HABP4: variants seen among roughly 807,000 people sequenced by gnomAD.
HABP4 encodes the protein intracellular hyaluronan-binding protein 4.
HABP4 carries 32 observed loss-of-function variants against 44.1 expected under a neutral mutation model. The ratio of observed to expected loss-of-function variants is 0.73; its 90% CI spans 0.55 to 0.97. The LOEUF is 0.97. Among genes scored for constraint, HABP4 ranks in the 50% least tolerant of loss-of-function variants. The pLI is 0.00. For synonymous variants in HABP4, 216 were observed against 218.0 expected, an observed-to-expected ratio of 0.99 and a Z score of 0.08; for missense variants, 503 against 561.9, an observed-to-expected ratio of 0.90 and a Z score of 1.06.
Position 96,471,054 on chromosome 9 carries a change from G to T in HABP4, c.787G>T (p.Glu263Ter). The change falls in exon 5 of 8, where the codon GAG (glutamate) becomes TAG (stop). Residue 263 changes from glutamate (E) to a stop codon, truncating the protein, a stop_gained. Coordinates refer to ENST00000375249, the MANE Select transcript of HABP4 (RefSeq NM_014282.4). LOFTEE classifies it high-confidence loss of function. ...TAPMEEPTVVEESQGTPEEES... is the reference protein window; with the variant it reads ...TAPMEEPTVV ...ACCGATGGAGGAACCCACAGTGGTG[G>T]AGGAGTCCCAGGGCACCCCGGAAGA... 1 of 1,608,372 alleles carries T rather than the reference G, an allele frequency of 6.2e-7. No homozygotes were observed. Among genetic ancestry groups the T allele is most frequent in the East Asian group, 2.2e-5 (1 of 44,858 alleles).
At position 96,490,672 on chromosome 9, in the gene HABP4, CTGTG is replaced by C. The variant is rs1020133248; in HGVS notation, c.*641_*644del. ...GGTGATTTAAACTACCTCGTGGTTT[CTGTG>C]TGTGTGCACACACACATCTAGTGTT... On this transcript the variant is annotated 3_prime_UTR_variant, in exon 8 of 8. Transcript: ENST00000375249. 6.6e-6 allele frequency: 1 copy of C among 152,194 alleles called. No homozygotes were observed. The highest frequency in any genetic ancestry group is 2.4e-5 in the African/African-American group (1 of 41,452). The allele number at this position is 152,194 out of a possible 1,614,324, so 9.4% of individuals were successfully genotyped here. A position where few individuals can be genotyped will look rare whatever the true frequency, so the allele number is the denominator to read the frequency against.
Position 96,450,294 on chromosome 9 carries a change from G to C in HABP4, c.15G>C (p.Leu5=), listed in dbSNP as rs1832243076. ...GTCGCGGCGGCATGAAGGGCGCTCTGGGGAGTCCCGTGGCTGCCGCTGGCG... is the reference window on the plus strand; with the variant it reads ...GTCGCGGCGGCATGAAGGGCGCTCTCGGGAGTCCCGTGGCTGCCGCTGGCG... MKGA[L]GSPVAAAGAA... is the part of the protein sequence containing the mutation. Residue 5 remains leucine, a synonymous_variant, in exon 1 of 8, where the codon CTG becomes CTC. Coordinates refer to ENST00000375249, the MANE Select transcript of HABP4 (RefSeq NM_014282.4). The surrounding 1 kb of genome is among the most constrained non-coding windows in gnomAD (Gnocchi z 4.8). The C allele has an allele frequency of 6.8e-7, 1 of 1,464,414 alleles. No individual in the cohort carries two copies. Among genetic ancestry groups the C allele is most frequent in the South Asian group, 1.3e-5 (1 of 78,228 alleles). 90.7% of individuals were successfully genotyped at this position (1,464,414 alleles called of 1,614,324 possible). A position where few individuals can be genotyped will look rare whatever the true frequency, so the allele number is the denominator to read the frequency against.
chr9:96,460,291 A>G (rs1832478443), intron 2 of HABP4, among the ~76,000 whole-genome samples: 1 of 152,200 alleles, frequency 6.6e-6, no homozygotes, highest in African/African-American at 2.4e-5. Flanking sequence ...AAGAATTTCC[A>G]TCTGCCCTTC....
chr9:96,456,615 C>T (rs1832380333), intron 1 of HABP4, among the ~76,000 whole-genome samples: 1 of 151,180 alleles, frequency 6.6e-6, no homozygotes, highest in African/African-American at 2.4e-5. Flanking sequence ...AAAAAATTAG[C>T]TGGGCGTGGT....
At chr9:96,468,945 G>A (rs1360925281) in intron 4 of HABP4, among the ~76,000 whole-genome samples, 4 of 152,204 alleles carry the variant, frequency 2.6e-5, no homozygotes, top group Non-Finnish European at 5.9e-5. Flanking sequence ...AGTAAGTAAT[G>A]TGTTTGTGGC....
chr9:96,488,262 A>G lies in HABP4; in HGVS notation c.1173A>G (p.Arg391=). The G allele has an allele frequency of 6.2e-7, 1 of 1,611,788 alleles. No individual in the cohort carries two copies. Among genetic ancestry groups the G allele is most frequent in the Non-Finnish European group, 8.5e-7 (1 of 1,178,732 alleles). The change falls in exon 7 of 8, where the codon AGA becomes AGG. Residue 391 remains arginine (R), a synonymous_variant. Coordinates refer to ENST00000375249, the MANE Select transcript of HABP4 (RefSeq NM_014282.4). This position sits in a 1 kb window ranked among gnomAD's most constrained non-coding sequence, Gnocchi z 4.6. Reference sequence around the variant, plus strand: ...GGAGGGCAGAGAACTATGGACCCAGAGCAGAAGTGGTGGTAGGTGTCTGTA... The same window carrying G: ...GGAGGGCAGAGAACTATGGACCCAGGGCAGAAGTGGTGGTAGGTGTCTGTA... ...RIRRAENYGP[R]AEVVMQDVAP... is the part of the protein sequence containing the mutation.
At chr9:96,476,417 T>C (rs570606775) in intron 5 of HABP4, among the ~76,000 whole-genome samples, 1 of 152,214 alleles carries the variant, frequency 6.6e-6, no homozygotes, top group Non-Finnish European at 1.5e-5. Flanking sequence ...GAAACAAATA[T>C]ATAACTATCA....
At chr9:96,485,919 T>C (rs1325644116) in intron 6 of HABP4, among the ~76,000 whole-genome samples, 4 of 152,170 alleles carry the variant, frequency 2.6e-5, no homozygotes, top group Non-Finnish European at 5.9e-5. Context: ...GTGAGTACTT[T>C]GATTAGGTGT....
At chr9:96,451,496 T>C (rs1587765840) in intron 1 of HABP4, 1 of 983,698 alleles carries the variant, frequency 1.0e-6, no homozygotes, top group Non-Finnish European at 1.2e-6. Context: ...GTTTGCAGAG[T>C]GTTAGGATTA....
chr9:96,463,220 G>T (rs1314730124), intron 2 of HABP4, among the ~76,000 whole-genome samples: 2 of 151,730 alleles, frequency 1.3e-5, no homozygotes, highest in Non-Finnish European at 2.9e-5. Flanking sequence ...TTCTGGGATT[G>T]CAGGAGTGAG....
intron 2 of HABP4, among the ~76,000 whole-genome samples, chr9:96,463,544 C>T (rs1465861666): frequency 6.6e-6 from 1 of 152,074 alleles, no homozygotes; most frequent in Non-Finnish European, 1.5e-5. Flanking sequence ...CGTGAGCCAC[C>T]GAGCCCAGCC....
chr9:96,483,247 G>A (rs981588496), intron 5 of HABP4: 9 of 152,290 alleles, frequency 5.9e-5, no homozygotes, highest in Admixed American at 5.2e-4. Flanking sequence ...CTAATGATGT[G>A]CAACATCTTA....
intron 1 of HABP4, among the ~76,000 whole-genome samples, chr9:96,455,424 C>G (rs531857019): frequency 6.7e-6 from 1 of 148,558 alleles, no homozygotes; most frequent in Non-Finnish European, 1.5e-5. Context: ...TGCACTCCAG[C>G]CTGGCAGTCT....
chr9:96,457,115 G>T (rs1053922427), intron 1 of HABP4, among the ~76,000 whole-genome samples: 1 of 152,058 alleles, frequency 6.6e-6, no homozygotes, highest in Non-Finnish European at 1.5e-5. Context: ...CAGAGTCTCG[G>T]CCGGGCACGG....
chr9:96,472,196 T>C (rs1464377913), intron 5 of HABP4, among the ~76,000 whole-genome samples: 1 of 152,270 alleles, frequency 6.6e-6, no homozygotes, highest in South Asian at 2.1e-4. Context: ...CTGCCTTCTC[T>C]CTGCCTGTTC....
intron 4 of HABP4, among the ~76,000 whole-genome samples, chr9:96,469,707 G>A (rs1832661375): frequency 6.6e-6 from 1 of 152,132 alleles, no homozygotes; most frequent in Non-Finnish European, 1.5e-5. Flanking sequence ...ATTTTTGGTA[G>A]AGACGGTGTT....
chr9:96,482,138 C>T (rs1463192928), intron 5 of HABP4, among the ~76,000 whole-genome samples: 1 of 152,068 alleles, frequency 6.6e-6, no homozygotes, highest in Non-Finnish European at 1.5e-5. Flanking sequence ...CGGGGTTTCA[C>T]CGTATTGGCC....
At chr9:96,482,264 A>C (rs928693075) in intron 5 of HABP4, among the ~76,000 whole-genome samples, 23 of 152,110 alleles carry the variant, frequency 1.5e-4, no homozygotes, top group African/African-American at 5.6e-4. Context: ...TCACAAACAG[A>C]AACTCTATAT....
At chr9:96,483,961 C>G (rs1421176856) in intron 5 of HABP4, 1 of 152,224 alleles carries the variant, frequency 6.6e-6, no homozygotes, top group Non-Finnish European at 1.5e-5. Flanking sequence ...ATCAGTTGAC[C>G]GTAAATGTGA....
Sources: gnomAD v4.1 joint callset for allele counts (sites outside exome capture counted in the v4.1 genomes callset) on GRCh38, gnomAD v4.1.1 for gene constraint, Gnocchi (gnomAD v3.1) non-coding constraint, MANE v1.5 for transcripts, NCBI Gene and HGNC (gene_info 2026-07-23, HGNC 2026-07-21) for gene names.